ELP4: variants seen among roughly 807,000 people sequenced by gnomAD.
ELP4 encodes the protein elongator complex protein 4.
In ELP4, 51 loss-of-function variants were observed where a neutral mutation model predicts 48.9. That is an observed-to-expected ratio of 1.04 (90% CI 0.83 to 1.32). The LOEUF is 1.32. Ranked by LOEUF, ELP4 falls within the 40% of genes most tolerant of loss-of-function variation. The probability of loss-of-function intolerance (pLI) is 0.00; values close to 1 mark genes in which losing one functional copy is unlikely to be tolerated. For synonymous variants in ELP4, 210 were observed against 189.2 expected (o/e 1.11, Z -0.90); for missense variants, 519 against 514.6 (o/e 1.01, Z -0.08).
intron 2 of ELP4, among the ~76,000 whole-genome samples, chr11:31,525,354 C>T (rs1956280241): frequency 6.6e-6 from 1 of 152,142 alleles, no homozygotes; most frequent in Non-Finnish European, 1.5e-5. Context: ...AGCATTTAAG[C>T]TCTTACAATG....
intron 9 of ELP4, among the ~76,000 whole-genome samples, chr11:31,703,537 C>T (rs1730756443): frequency 6.6e-6 from 1 of 152,086 alleles, no homozygotes; most frequent in Admixed American, 6.6e-5. Flanking sequence ...TTATTGTCAC[C>T]ATTTTATTGA....
chr11:31,593,003 G>A (rs1957609980), intron 3 of ELP4, among the ~76,000 whole-genome samples: 1 of 152,094 alleles, frequency 6.6e-6, no homozygotes, highest in African/African-American at 2.4e-5. Flanking sequence ...TACAACTATT[G>A]CCAGGTGTCC....
intron 9 of ELP4, among the ~76,000 whole-genome samples, chr11:31,741,506 G>A (rs551364164): frequency 2.0e-4 from 30 of 152,178 alleles, no homozygotes; most frequent in Non-Finnish European, 3.7e-4. Flanking sequence ...CAGTAGGGGC[G>A]GACTGACACC....
intron 9 of ELP4, among the ~76,000 whole-genome samples, chr11:31,720,657 A>G (rs1174472653): frequency 1.3e-5 from 2 of 152,216 alleles, no homozygotes; most frequent in Non-Finnish European, 2.9e-5. Flanking sequence ...TAAGTAATCA[A>G]TTGAGGTTAT....
intron 6 of ELP4, among the ~76,000 whole-genome samples, chr11:31,630,227 C>CTTTTTTTTTTTT (rs11441798): frequency 7.8e-6 from 1 of 128,462 alleles, no homozygotes; most frequent in Non-Finnish European, 1.6e-5. Context: ...TTCTAAAATC[C>CTTTTTTTTTTTT]TTTTTTTTTT....
chr11:31,510,117 G>A, intron 1 of ELP4, 110 bp downstream of exon 1: 2 of 999,656 alleles, frequency 2.0e-6, no homozygotes, highest in Non-Finnish European at 3.0e-6. Context: ...AACCTTCGGA[G>A]GAGGAGAGAA....
chr11:31,551,879 G>T (rs1247981160), intron 3 of ELP4, among the ~76,000 whole-genome samples: 2 of 152,092 alleles, frequency 1.3e-5, no homozygotes, highest in Non-Finnish European at 2.9e-5. Flanking sequence ...AACATATCAT[G>T]ACCCTAATTT....
intron 3 of ELP4, among the ~76,000 whole-genome samples, chr11:31,583,507 C>T (rs1456520007): frequency 1.3e-5 from 2 of 152,090 alleles, no homozygotes; most frequent in African/African-American, 2.4e-5. Flanking sequence ...GAGACTGAGG[C>T]AAGAGGATTC....
At chr11:31,668,849 G>T (rs976236886) in intron 9 of ELP4, among the ~76,000 whole-genome samples, 1 of 151,982 alleles carries the variant, frequency 6.6e-6, no homozygotes, top group Non-Finnish European at 1.5e-5. Context: ...TTATGTGAGG[G>T]TGAGATCAAC....
intron 9 of ELP4, among the ~76,000 whole-genome samples, chr11:31,713,218 A>G (rs774535017): frequency 2.0e-5 from 3 of 152,232 alleles, no homozygotes; most frequent in Non-Finnish European, 4.4e-5. Flanking sequence ...ATCAAGTCCA[A>G]TCAACCTTCA....
chr11:31,628,979 CT>C (rs924551852), intron 6 of ELP4, among the ~76,000 whole-genome samples: 2 of 151,618 alleles, frequency 1.3e-5, no homozygotes, highest in Non-Finnish European at 2.9e-5. Flanking sequence ...AAGTTTTTAT[CT>C]TTTTTTTAAC....
chr11:31,719,120 G>T (rs1946903385), intron 9 of ELP4, among the ~76,000 whole-genome samples: 1 of 152,072 alleles, frequency 6.6e-6, no homozygotes, highest in Admixed American at 6.5e-5. Flanking sequence ...TTAGCCAGGT[G>T]TGGTGGTGTG....
At position 31,787,395 on chromosome 11, in the gene ELP4, T is replaced by C. The variant is rs1046209023; in HGVS notation, c.*3871T>C. The C allele has an allele frequency of 4.3e-6, 1 of 233,262 alleles. No homozygotes were observed. Among genetic ancestry groups the C allele is most frequent in the Non-Finnish European group, 8.5e-6 (1 of 118,062 alleles). The allele number at this position is 233,262 out of a possible 1,614,324, so 14.4% of individuals were successfully genotyped here. A position where few individuals can be genotyped will look rare whatever the true frequency, so the allele number is the denominator to read the frequency against. On this transcript the variant is annotated 3_prime_UTR_variant, in exon 10 of 10. Transcript: ENST00000640961. ...GCGTGCGACATCCGGGTCTCCAAAGTCTCTGCTGTCTACACAACAGAACCG... is the reference window on the plus strand; with the variant it reads ...GCGTGCGACATCCGGGTCTCCAAAGCCTCTGCTGTCTACACAACAGAACCG...
intron 3 of ELP4, among the ~76,000 whole-genome samples, chr11:31,576,117 C>T (rs1237501067): frequency 6.6e-6 from 1 of 152,030 alleles, no homozygotes; most frequent in Non-Finnish European, 1.5e-5. Flanking sequence ...AAATGGAAAA[C>T]AAAAATAGGC....
chr11:31,673,744 T>A (rs1158356561), intron 9 of ELP4, among the ~76,000 whole-genome samples: 1 of 152,242 alleles, frequency 6.6e-6, no homozygotes, highest in Non-Finnish European at 1.5e-5. Context: ...CTTTATATGC[T>A]ATAGATATGA....
rs1362375116 is a variant in ELP4, at chr11:31,578,307, A to C, written c.382-16463A>C. Among the ~76,000 whole-genome samples the C allele has an allele frequency of 2.0e-5, 3 of 152,248 alleles. No homozygotes were observed. In the East Asian group the frequency reaches 5.8e-4, roughly 29 times the overall value. On this transcript the variant is annotated intron_variant, in intron 3 of 9. Coordinates refer to ENST00000640961, the MANE Select transcript of ELP4 (RefSeq NM_019040.5). The stretch of plus-strand genomic sequence containing the variant: ...AAAGAAGAGAATACAAACAAATGGA[A>C]GAACATTCCATGCTTATGGTTAGGA...
At chr11:31,660,294 T>C (rs993664687) in intron 9 of ELP4, among the ~76,000 whole-genome samples, 1 of 152,078 alleles carries the variant, frequency 6.6e-6, no homozygotes, top group African/African-American at 2.4e-5. Flanking sequence ...TGGTGTAGCA[T>C]TGAAAAAGAT....
intron 9 of ELP4, among the ~76,000 whole-genome samples, chr11:31,699,849 A>G (rs553298650): frequency 3.3e-5 from 5 of 152,236 alleles, no homozygotes; most frequent in African/African-American, 1.2e-4. Flanking sequence ...CCCAAAAAGC[A>G]TGATCATGAG....
chr11:31,776,533 G>C (rs1384129459), intron 9 of ELP4, among the ~76,000 whole-genome samples: 2 of 152,176 alleles, frequency 1.3e-5, no homozygotes, highest in Admixed American at 1.3e-4. Flanking sequence ...GAGTAAACTG[G>C]CAATCTTTGC....
Sources: allele counts gnomAD v4.1 joint callset (sites outside exome capture counted in the v4.1 genomes callset), GRCh38; gene constraint gnomAD v4.1.1; transcripts MANE v1.5; gene names NCBI Gene and HGNC (gene_info 2026-07-23, HGNC 2026-07-21).